Variants in PGCKA1 observed in about 807,000 individuals in gnomAD.
PGCKA1 encodes the protein PDCD10 and GCKIII kinases associated 1.
At chr4:37,507,616 A>C in the PGCKA1 span, among the ~76,000 whole-genome samples, 90,426 of 151,856 alleles carry the variant, frequency 0.6, 27,325 homozygotes, top group South Asian at 0.75. Context: ...CTACTTATAT[A>C]TTATTGTGCA....
At chr4:37,518,008 T>C in the PGCKA1 span, among the ~76,000 whole-genome samples, 2 of 152,236 alleles carry the variant, frequency 1.3e-5, no homozygotes, top group East Asian at 1.9e-4. Flanking sequence ...AGTGAGAACA[T>C]GTGATGTCTG....
chr4:37,592,555 G>A, the PGCKA1 span, among the ~76,000 whole-genome samples: 256 of 152,114 alleles, frequency 1.7e-3, 1 homozygote, highest in African/African-American at 5.7e-3. Context: ...CCATTCTAAC[G>A]TAACTCAATG....
the PGCKA1 span, chr4:37,453,968 G>C: frequency 4.5e-5 from 7 of 156,384 alleles, no homozygotes; most frequent in Non-Finnish European, 8.4e-5. Context: ...CTCCCGGCGC[G>C]GCTGCCCGAG....
the PGCKA1 span, among the ~76,000 whole-genome samples, chr4:37,566,282 A>AT: frequency 8.1e-3 from 1,183 of 145,970 alleles, 8 homozygotes; most frequent in African/African-American, 0.027. Context: ...TTTTTATTTT[A>AT]TTTTTTTTTG....
the PGCKA1 span, among the ~76,000 whole-genome samples, chr4:37,587,922 T>C: frequency 5.8e-4 from 89 of 152,194 alleles, no homozygotes; most frequent in African/African-American, 1.9e-3. Context: ...TGAGCCGAGA[T>C]TGCGCCACTG....
At chr4:37,526,999 T>G in the PGCKA1 span, among the ~76,000 whole-genome samples, 1 of 152,164 alleles carries the variant, frequency 6.6e-6, no homozygotes, top group African/African-American at 2.4e-5. Context: ...GGACAAGATG[T>G]GGAGGTGGGA....
the PGCKA1 span, among the ~76,000 whole-genome samples, chr4:37,560,907 C>T: frequency 6.6e-6 from 1 of 151,970 alleles, no homozygotes; most frequent in Non-Finnish European, 1.5e-5. Context: ...TCACCTGCTA[C>T]GAAACCATCC....
the PGCKA1 span, among the ~76,000 whole-genome samples, chr4:37,496,424 C>T: frequency 6.6e-6 from 1 of 152,014 alleles, no homozygotes; most frequent in Non-Finnish European, 1.5e-5. Flanking sequence ...GGTGGATGGC[C>T]TTATTTCTGG....
chr4:37,564,002 G>A, the PGCKA1 span, among the ~76,000 whole-genome samples: 2 of 152,090 alleles, frequency 1.3e-5, no homozygotes, highest in African/African-American at 2.4e-5. Context: ...GCCAGGGACA[G>A]TGGCTCACCT....
chr4:37,474,703 G>A, the PGCKA1 span, among the ~76,000 whole-genome samples: 1 of 152,134 alleles, frequency 6.6e-6, no homozygotes, highest in Non-Finnish European at 1.5e-5. Context: ...AAAGGGTTGG[G>A]CTCAGAGAAG....
the PGCKA1 span, among the ~76,000 whole-genome samples, chr4:37,545,365 G>A: frequency 6.6e-6 from 1 of 152,092 alleles, no homozygotes; most frequent in East Asian, 1.9e-4. Flanking sequence ...CAGAAACCCT[G>A]TTTCACCCTT....
At chr4:37,487,088 G>A in the PGCKA1 span, among the ~76,000 whole-genome samples, 2 of 152,190 alleles carry the variant, frequency 1.3e-5, no homozygotes, top group African/African-American at 4.8e-5. Context: ...GATGGTACGA[G>A]TGACATCTTA....
chr4:37,499,918 C>CTTTTTT, the PGCKA1 span, among the ~76,000 whole-genome samples: 113 of 79,248 alleles, frequency 1.4e-3, 6 homozygotes, highest in African/African-American at 3.7e-3. Flanking sequence ...GTCTTCCTAA[C>CTTTTTT]TTTTTTTTTT....
At chr4:37,463,749 C>G in the PGCKA1 span, among the ~76,000 whole-genome samples, 2 of 150,588 alleles carry the variant, frequency 1.3e-5, no homozygotes, top group Admixed American at 6.6e-5. Flanking sequence ...TACCCTCTGC[C>G]TTTGAATCTG....
At chr4:37,520,298 C>G in the PGCKA1 span, among the ~76,000 whole-genome samples, 2 of 152,098 alleles carry the variant, frequency 1.3e-5, no homozygotes, top group Non-Finnish European at 2.9e-5. Context: ...GTATTCCCTT[C>G]TGTATTTTTT....
At chr4:37,578,433 TG>T in the PGCKA1 span, among the ~76,000 whole-genome samples, 1 of 152,208 alleles carries the variant, frequency 6.6e-6, no homozygotes, top group Non-Finnish European at 1.5e-5. Context: ...TCAGTCTATG[TG>T]TGTCTTTATA....
chr4:37,513,197 G>A, the PGCKA1 span, among the ~76,000 whole-genome samples: 18 of 152,066 alleles, frequency 1.2e-4, no homozygotes, highest in East Asian at 2.3e-3. Context: ...ATTATTAGCC[G>A]GTCAGTGCTA....
At chr4:37,482,281 C>T in the PGCKA1 span, among the ~76,000 whole-genome samples, 1 of 152,108 alleles carries the variant, frequency 6.6e-6, no homozygotes, top group Non-Finnish European at 1.5e-5. Flanking sequence ...TTGGGAACTT[C>T]CTAGAGATTT....
At chr4:37,510,957 G>T in the PGCKA1 span, among the ~76,000 whole-genome samples, 2 of 151,662 alleles carry the variant, frequency 1.3e-5, no homozygotes, top group East Asian at 3.9e-4. Flanking sequence ...CCTTTCACAA[G>T]CAGAAGAGCC....
Sources: gnomAD v4.1 joint callset for allele counts (sites outside exome capture counted in the v4.1 genomes callset) on GRCh38, gnomAD v4.1.1 for gene constraint, MANE v1.5 for transcripts, NCBI Gene and HGNC (gene_info 2026-07-23, HGNC 2026-07-21) for gene names.